Variants in NARS2 observed in about 807,000 individuals in gnomAD.
The protein encoded by NARS2 is asparaginyl-tRNA synthetase 2, mitochondrial.
In NARS2, 60 loss-of-function variants were observed where a neutral mutation model predicts 62.9. The observed-to-expected ratio is 0.95, with a 90% CI of 0.77 to 1.18. The LOEUF (loss-of-function observed/expected upper bound fraction) is 1.18, where lower values mean the gene tolerates loss of function less well. Ranked by LOEUF, NARS2 falls within the 50% of genes most tolerant of loss-of-function variation. The pLI is 0.00. For missense variants in NARS2, 619 were observed against 576.4 expected, an observed-to-expected ratio of 1.07 and a Z score of -0.76; for synonymous variants, 196 against 200.0, an observed-to-expected ratio of 0.98 and a Z score of 0.17.
At chr11:78,469,373 C>G (rs1858769902) in intron 9 of NARS2, 60 bp from the exon 10 acceptor site, 9 of 1,275,488 alleles carry the variant, frequency 7.1e-6, no homozygotes, top group Admixed American at 3.4e-5. Flanking sequence ...CTAACTAGTT[C>G]ATTTTAAAAC....
chr11:78,469,683 A>T (rs1858782490), intron 9 of NARS2, among the ~76,000 whole-genome samples: 1 of 152,196 alleles, frequency 6.6e-6, no homozygotes, highest in Non-Finnish European at 1.5e-5. Context: ...CCTACTAGGC[A>T]CTACACACAA....
intron 6 of NARS2, among the ~76,000 whole-genome samples, chr11:78,511,218 C>G (rs1485561159): frequency 6.6e-6 from 1 of 152,188 alleles, no homozygotes; most frequent in Non-Finnish European, 1.5e-5. Context: ...GCTGAAACTA[C>G]AGGCATGTGC....
intron 6 of NARS2, among the ~76,000 whole-genome samples, chr11:78,528,080 C>T (rs1861353369): frequency 6.6e-6 from 1 of 152,102 alleles, no homozygotes; most frequent in Non-Finnish European, 1.5e-5. Context: ...CCCATCTCTA[C>T]AAACAATTAG....
intron 2 of NARS2, 118 bp downstream of exon 2, chr11:78,571,217 A>G (rs776636256): frequency 3.1e-6 from 2 of 642,848 alleles, no homozygotes; most frequent in African/African-American, 1.8e-5. Context: ...AAGCTATTAA[A>G]GCAGATCTGT....
intron 9 of NARS2, 106 bp downstream of exon 9, chr11:78,478,330 CTA>C: frequency 2.7e-6 from 1 of 368,046 alleles, no homozygotes; most frequent in Non-Finnish European, 4.6e-6. Context: ...TATATATATC[CTA>C]TATATATAGG....
intron 5 of NARS2, among the ~76,000 whole-genome samples, chr11:78,550,885 T>A (rs1170850441): frequency 6.6e-6 from 1 of 152,114 alleles, no homozygotes; most frequent in Non-Finnish European, 1.5e-5. Flanking sequence ...ACATGATACA[T>A]CCACAAAAGG....
rs12285266 is a variant in NARS2 at position 78,493,165 on chromosome 11, C to T, written c.720G>A (p.Pro240=). 5.8e-3 allele frequency: 9,291 copies of T among 1,613,692 alleles called. 278 individuals are homozygous for T. In the African/African-American group the frequency reaches 0.073, roughly 13 times the overall value. The change falls in exon 7 of 14, where the codon CCG becomes CCA. Residue 240 remains proline (P), a synonymous_variant. Coordinates refer to ENST00000281038, the MANE Select transcript of NARS2 (RefSeq NM_024678.6). ...TCTGAGAATTTTCAGCTCGGAAGGT[C>T]GGACCAAAGGTAAACACTTGAGTAA... The part of the protein sequence containing the change: ...GAFTQVFTFG[P]TFRAENSQSR...
intron 11 of NARS2, among the ~76,000 whole-genome samples, chr11:78,464,143 C>G (rs910793113): frequency 6.6e-6 from 1 of 151,894 alleles, no homozygotes; most frequent in Non-Finnish European, 1.5e-5. Context: ...TGCAGACCTT[C>G]GCGGTGAGTG....
chr11:78,563,901 T>TATTATC, intron 4 of NARS2, among the ~76,000 whole-genome samples: 1 of 135,374 alleles, frequency 7.4e-6, no homozygotes. Context: ...TTATTATTAT[T>TATTATC]ATTATTATTA....
chr11:78,502,477 T>C (rs1590785043), intron 6 of NARS2, among the ~76,000 whole-genome samples: 1 of 152,204 alleles, frequency 6.6e-6, no homozygotes, highest in East Asian at 1.9e-4. Context: ...TTTTTAACAG[T>C]ACTATCTTCA....
chr11:78,535,791 A>G (rs1313871686), intron 5 of NARS2, among the ~76,000 whole-genome samples: 1 of 151,990 alleles, frequency 6.6e-6, no homozygotes, highest in African/African-American at 2.4e-5. Flanking sequence ...CTAATTTTGT[A>G]TTTTTAGTAG....
At chr11:78,439,619 T>C (rs1194951611) in intron 13 of NARS2, among the ~76,000 whole-genome samples, 1 of 152,172 alleles carries the variant, frequency 6.6e-6, no homozygotes, top group Non-Finnish European at 1.5e-5. Context: ...AGAGATTAAA[T>C]ATGCCTAAGG....
chr11:78,526,615 A>G (rs1266521117), intron 6 of NARS2, among the ~76,000 whole-genome samples: 1 of 152,182 alleles, frequency 6.6e-6, no homozygotes. Flanking sequence ...CAAATACTTC[A>G]TGGCACACTA....
Position 78,528,919 on chromosome 11 carries a change from CT to C in NARS2, c.611del (p.Lys204ArgfsTer14). ...LFQLEPSGKL[K>X]VPEENFFNVP... ...CATTGAAGAAATTCTCCTCAGGTAC[CT>C]TAAGTTTGCCTGAAGGCTGCAAATC... is the stretch of plus-strand genomic sequence containing the variant. On this transcript the variant is annotated frameshift_variant, in exon 6 of 14. Coordinates refer to ENST00000281038, the MANE Select transcript of NARS2 (RefSeq NM_024678.6). LOFTEE classifies it high-confidence loss of function. 2 of 1,610,990 alleles carry C rather than the reference CT, an allele frequency of 1.2e-6. No individual in the cohort carries two copies. Among genetic ancestry groups the C allele is most frequent in the Non-Finnish European group, 1.7e-6 (2 of 1,178,058 alleles).
chr11:78,547,318 T>C (rs1855918525), intron 5 of NARS2, among the ~76,000 whole-genome samples: 1 of 152,230 alleles, frequency 6.6e-6, no homozygotes, highest in Non-Finnish European at 1.5e-5. Flanking sequence ...CCAGCTCATT[T>C]TAATTTAAAG....
At chr11:78,492,276 T>A (rs1156997880) in intron 7 of NARS2, among the ~76,000 whole-genome samples, 1 of 152,032 alleles carries the variant, frequency 6.6e-6, no homozygotes, top group East Asian at 1.9e-4. Context: ...AGCATGTGAG[T>A]GGTTAAGCAT....
chr11:78,533,478 A>G (rs1198426779), intron 5 of NARS2, among the ~76,000 whole-genome samples: 1 of 152,194 alleles, frequency 6.6e-6, no homozygotes, highest in Non-Finnish European at 1.5e-5. Flanking sequence ...AGAGGAAGTG[A>G]ATGTCTACAG....
Position 78,571,366 on chromosome 11 carries a change from G to A in NARS2, c.220C>T (p.Gln74Ter). ...VNDGSSLESL[Q>*]VVADSGLDSR... ...TCAAGGCCTGAATCTGCAACAACCT[G>A]AAGGCTTTCCAAAGATGACCCATCA... The change falls in exon 2 of 14, where the codon CAG becomes TAG. Residue 74 changes from glutamine to a stop codon, truncating the protein, a stop_gained. Coordinates refer to ENST00000281038, the MANE Select transcript of NARS2 (RefSeq NM_024678.6). LOFTEE classifies it high-confidence loss of function. The A allele has an allele frequency of 1.2e-6, 2 of 1,613,404 alleles. No homozygotes were observed. Among genetic ancestry groups the A allele is most frequent in the Non-Finnish European group, 1.7e-6 (2 of 1,179,716 alleles).
intron 11 of NARS2, among the ~76,000 whole-genome samples, chr11:78,460,286 T>TTTTA (rs1410327760): frequency 6.6e-6 from 1 of 151,566 alleles, no homozygotes; most frequent in Admixed American, 6.6e-5. Context: ...TTTTTTTTTT[T>TTTTA]AATGGGGATG....
Sources: gnomAD v4.1 joint callset for allele counts (sites outside exome capture counted in the v4.1 genomes callset) on GRCh38, gnomAD v4.1.1 for gene constraint, MANE v1.5 for transcripts, NCBI Gene and HGNC (gene_info 2026-07-23, HGNC 2026-07-21) for gene names.